Variants in CYREN observed in about 807,000 individuals in gnomAD.
CYREN encodes cell cycle regulator of NHEJ, also known as cell cycle regulator of non-homologous end joining.
Under a neutral mutation model 9.7 loss-of-function variants are expected in CYREN, and 7 were observed. That is an observed-to-expected ratio of 0.72 (90% CI 0.41 to 1.36). The LOEUF (loss-of-function observed/expected upper bound fraction) is 1.36, where lower values mean the gene tolerates loss of function less well. CYREN is among the 40% of genes most tolerant of loss of function. CYREN has a pLI of 0.01. For missense variants in CYREN, 215 were observed against 198.1 expected, an observed-to-expected ratio of 1.09 and a Z score of -0.51; for synonymous variants, 76 against 77.9, an observed-to-expected ratio of 0.98 and a Z score of 0.13.
At chr7:135,134,831 T>C (rs1165119809) in intron 2 of CYREN, 1 of 1,546,662 alleles carries the variant, frequency 6.5e-7, no homozygotes, top group Non-Finnish European at 8.7e-7. Context: ...GTATTTCATT[T>C]CTTTTCTAGA....
intron 2 of CYREN, among the ~76,000 whole-genome samples, chr7:135,143,171 A>G (rs1829484197): frequency 6.6e-6 from 1 of 152,134 alleles, no homozygotes; most frequent in Non-Finnish European, 1.5e-5. Context: ...ACATAGCAAG[A>G]CCCTGTTTCT....
At chr7:135,160,609 T>C (rs993891404) in intron 2 of CYREN, among the ~76,000 whole-genome samples, 3 of 152,158 alleles carry the variant, frequency 2.0e-5, no homozygotes, top group Admixed American at 1.3e-4. Context: ...GCCAGCACTG[T>C]GCTGAGCATG....
At chr7:135,103,481 CTTT>C (rs1824169234) in intron 2 of CYREN, among the ~76,000 whole-genome samples, 1 of 152,026 alleles carries the variant, frequency 6.6e-6, no homozygotes, top group Non-Finnish European at 1.5e-5. Context: ...AATATGCATG[CTTT>C]TTTCTTAGGA....
chr7:135,141,636 G>A (rs1264994860), intron 2 of CYREN, among the ~76,000 whole-genome samples: 1 of 152,078 alleles, frequency 6.6e-6, no homozygotes, highest in African/African-American at 2.4e-5. Context: ...TCTTCTAGGT[G>A]TGGTGTTAGA....
intron 2 of CYREN, among the ~76,000 whole-genome samples, chr7:135,134,376 A>G (rs914938744): frequency 4.0e-5 from 6 of 151,138 alleles, no homozygotes; most frequent in Non-Finnish European, 8.9e-5. Context: ...TTAGTTTACA[A>G]AAGCTCCCCC....
rs1269160237 is a variant in CYREN at position 135,135,598 on chromosome 7, CATATA to C, written n.356+33146_356+33150del. 3.4e-5 allele frequency: 6 copies of C among 174,670 alleles called. No homozygotes were observed. The South Asian group carries it at 5.2e-4, about 15-fold the overall frequency. The allele number at this position is 174,670 out of a possible 1,614,324, so 10.8% of individuals were successfully genotyped here. A position where few individuals can be genotyped will look rare whatever the true frequency, so the allele number is the denominator to read the frequency against. On this transcript the variant is annotated intron_variant and non_coding_transcript_variant, in intron 2 of 2. Transcript: ENST00000459937. ...ACTTAAGAACTCAAAGTAGGAATGACATATAATATGTCACTGATTTTAACCTCCCT... is the reference window on the plus strand; with the variant it reads ...ACTTAAGAACTCAAAGTAGGAATGACATATGTCACTGATTTTAACCTCCCT...
chr7:135,170,634 G>A lies in CYREN; in HGVS notation c.-139+18C>T, dbSNP rs1030607202. ...GCCGGGAGGCAAATTCCAAGCGGTTGTGGGACCCACGCCTCACCCGGAACT... is the reference window on the plus strand; with the variant it reads ...GCCGGGAGGCAAATTCCAAGCGGTTATGGGACCCACGCCTCACCCGGAACT... On this transcript the variant is annotated intron_variant, in intron 1 of 3. Coordinates refer to ENST00000393114, the MANE Select transcript of CYREN (RefSeq NM_024033.4). 11 of 152,308 alleles carry A rather than the reference G, an allele frequency of 7.2e-5. No individual in the cohort carries two copies. The highest frequency in any genetic ancestry group is 1.9e-4 in the African/African-American group (8 of 41,462). 9.4% of individuals were successfully genotyped at this position (152,308 alleles called of 1,614,324 possible).
chr7:135,115,254 T>C, intron 2 of CYREN: 1 of 585,692 alleles, frequency 1.7e-6, no homozygotes, highest in South Asian at 2.7e-5. Flanking sequence ...CTGCCCACTG[T>C]CATTAAAGTA....
chr7:135,161,547 T>C (rs1313541881), downstream of CYREN, among the ~76,000 whole-genome samples: 2 of 152,292 alleles, frequency 1.3e-5, no homozygotes, highest in South Asian at 2.1e-4. This position sits in a 1 kb window ranked among gnomAD's most constrained non-coding sequence, Gnocchi z 4.1. Flanking sequence ...AGCACAGATA[T>C]AGGCTTTTAC....
chr7:135,128,452 G>T lies in CYREN; in HGVS notation n.357-33870C>A. 8.2e-6 allele frequency: 6 copies of T among 728,286 alleles called. No homozygotes were observed. The South Asian group carries it at 8.5e-5, about 10-fold the overall frequency. 45.1% of individuals were successfully genotyped at this position (728,286 alleles called of 1,614,324 possible). ...TTCCTCAGAAAATTAAATGTCAGAAGACCAAGAAGCTCAAGAGGATGAATT... is the reference window on the plus strand; with the variant it reads ...TTCCTCAGAAAATTAAATGTCAGAATACCAAGAAGCTCAAGAGGATGAATT... On this transcript the variant is annotated intron_variant and non_coding_transcript_variant, in intron 2 of 2. Transcript: ENST00000459937.
At chr7:135,167,012 AC>A in intron 3 of CYREN, 141 bp from the exon 4 acceptor site, 2 of 1,467,070 alleles carry the variant, frequency 1.4e-6, no homozygotes, top group Non-Finnish European at 9.0e-7. Flanking sequence ...TATCCTGAGC[AC>A]CCACCCTCTC....
intron 2 of CYREN, among the ~76,000 whole-genome samples, chr7:135,155,370 T>C (rs1302776848): frequency 1.3e-5 from 2 of 152,232 alleles, no homozygotes; most frequent in African/African-American, 4.8e-5. Context: ...TGTTATATTG[T>C]TTATTGTTTT....
At chr7:135,106,662 G>A (rs1238348601) in intron 2 of CYREN, among the ~76,000 whole-genome samples, 1 of 152,142 alleles carries the variant, frequency 6.6e-6, no homozygotes, top group Non-Finnish European at 1.5e-5. Flanking sequence ...AAGGATATTG[G>A]CCTGAAGTTT....
At chr7:135,141,078 A>G (rs1247945607) in intron 2 of CYREN, among the ~76,000 whole-genome samples, 1 of 151,862 alleles carries the variant, frequency 6.6e-6, no homozygotes, top group Non-Finnish European at 1.5e-5. Context: ...TTATAGACTG[A>G]GTTAGAGAGG....
intron 2 of CYREN, among the ~76,000 whole-genome samples, chr7:135,123,861 C>G (rs1338280783): frequency 2.0e-5 from 3 of 152,152 alleles, no homozygotes; most frequent in Non-Finnish European, 4.4e-5. Flanking sequence ...TTCATTACCA[C>G]CATGGCTGCC....
rs1167029504 is a variant in CYREN at position 135,135,336 on chromosome 7, A to G, written n.356+33413T>C. 20 of 1,293,014 alleles carry G rather than the reference A, an allele frequency of 1.5e-5. No homozygotes were observed. In the East Asian group the frequency reaches 5.2e-4, roughly 33 times the overall value. 80.1% of individuals were successfully genotyped at this position (1,293,014 alleles called of 1,614,324 possible). Reference sequence around the variant, plus strand: ...TATGTAGTAAAAAGAAAAAAAGGAAAGCCCTCCCCTTCCCCTTTCCCTATC... The same window carrying G: ...TATGTAGTAAAAAGAAAAAAAGGAAGGCCCTCCCCTTCCCCTTTCCCTATC... On this transcript the variant is annotated intron_variant and non_coding_transcript_variant, in intron 2 of 2. Coordinates refer to the CYREN transcript ENST00000459937.
At position 135,169,064 on chromosome 7, in the gene CYREN, C is replaced by T; in HGVS notation, c.-138-4G>A. 1 of 796,098 alleles carries T rather than the reference C, an allele frequency of 1.3e-6. No individual in the cohort carries two copies. Among genetic ancestry groups the T allele is most frequent in the Non-Finnish European group, 1.9e-6 (1 of 516,560 alleles). 49.3% of individuals were successfully genotyped at this position (796,098 alleles called of 1,614,324 possible). Reference sequence around the variant, plus strand: ...AGTGGGAGTTGATCTTTGATTCCTACAAAGAACAATAAAGTCCGGTGAATT... The same window carrying T: ...AGTGGGAGTTGATCTTTGATTCCTATAAAGAACAATAAAGTCCGGTGAATT... On this transcript the variant is annotated splice_polypyrimidine_tract_variant and splice_region_variant and intron_variant, in intron 1 of 3. Transcript: ENST00000393114.
At chr7:135,098,898 A>C (rs1162284292) in intron 2 of CYREN, among the ~76,000 whole-genome samples, 3 of 152,180 alleles carry the variant, frequency 2.0e-5, no homozygotes, top group Non-Finnish European at 2.9e-5. Flanking sequence ...ATGACATATA[A>C]AACTTAAATA....
At chr7:135,139,771 A>C (rs10257238) in intron 2 of CYREN, among the ~76,000 whole-genome samples, 28,022 of 151,928 alleles carry the variant, frequency 0.18, 2,945 homozygotes, top group Middle Eastern at 0.29. Flanking sequence ...AAGGGGTCCA[A>C]TTTCAATTTT....
Sources: gnomAD v4.1 joint callset for allele counts (sites outside exome capture counted in the v4.1 genomes callset) on GRCh38, gnomAD v4.1.1 for gene constraint, Gnocchi (gnomAD v3.1) non-coding constraint, MANE v1.5 for transcripts, NCBI Gene and HGNC (gene_info 2026-07-23, HGNC 2026-07-21) for gene names.